Variants in ASH1L observed in about 807,000 individuals in gnomAD.
ASH1L encodes the protein ASH1 like histone lysine methyltransferase.
In ASH1L, 23 loss-of-function variants were observed where a neutral mutation model predicts 269.0. The observed-to-expected ratio is 0.09, with a 90% CI of 0.06 to 0.12. The LOEUF (loss-of-function observed/expected upper bound fraction) is 0.12. Ranked by LOEUF, ASH1L falls within the 10% of genes least tolerant of loss-of-function variation. The pLI, the probability that ASH1L is intolerant of heterozygous loss-of-function variation, is 1.00. For synonymous variants in ASH1L, 1,187 were observed against 1,253.5 expected (o/e 0.95, Z 1.12); for missense variants, 2,912 against 3,567.8 (o/e 0.82, Z 4.68).
At chr1:155,561,943 A>G (rs1324181809) in intron 1 of ASH1L, 9 of 485,102 alleles carry the variant, frequency 1.9e-5, no homozygotes, top group Non-Finnish European at 3.3e-5. Flanking sequence ...CCCCTCCGGG[A>G]GTCTGCCTGT....
chr1:155,530,014 A>G (rs1178222038), intron 1 of ASH1L, among the ~76,000 whole-genome samples: 2 of 152,096 alleles, frequency 1.3e-5, no homozygotes, highest in African/African-American at 4.8e-5. Flanking sequence ...TCTGTTTCTC[A>G]AACACAACAA....
intron 6 of ASH1L, among the ~76,000 whole-genome samples, chr1:155,407,109 G>C (rs1659360018): frequency 6.6e-6 from 1 of 152,182 alleles, no homozygotes; most frequent in Non-Finnish European, 1.5e-5. Flanking sequence ...TGTGGTCCCA[G>C]CTACTCGGGA....
intron 7 of ASH1L, among the ~76,000 whole-genome samples, chr1:155,389,244 T>G (rs1657703303): frequency 6.9e-6 from 1 of 144,628 alleles, no homozygotes; most frequent in African/African-American, 2.6e-5. Context: ...GTGATCTGCC[T>G]GCCTCGGCCT....
In ASH1L at chr1:155,336,585, A is replaced by C. The variant is rs1652335040; in HGVS notation, c.*1075T>G. 6.5e-6 allele frequency: 1 copy of C among 152,694 alleles called. No homozygotes were observed. Among genetic ancestry groups the C allele is most frequent in the African/African-American group, 2.4e-5 (1 of 41,432 alleles). 9.5% of individuals were successfully genotyped at this position (152,694 alleles called of 1,614,324 possible). A position where few individuals can be genotyped will look rare whatever the true frequency, so the allele number is the denominator to read the frequency against. On this transcript the variant is annotated 3_prime_UTR_variant, in exon 28 of 28. Coordinates refer to ENST00000392403, the MANE Select transcript of ASH1L (RefSeq NM_018489.3). ...AGTAGGAAGGAAGGAGACACCCTGG[A>C]TATACCTCCTGATGTCATTCAGGAG...
intron 10 of ASH1L, among the ~76,000 whole-genome samples, chr1:155,371,226 C>A (rs1297861053): frequency 6.6e-6 from 1 of 152,182 alleles, no homozygotes; most frequent in East Asian, 1.9e-4. Context: ...CACTCAGCAT[C>A]CTGGGTAAAC....
At chr1:155,429,240 C>A (rs1661424167) in intron 5 of ASH1L, among the ~76,000 whole-genome samples, 1 of 152,114 alleles carries the variant, frequency 6.6e-6, no homozygotes, top group African/African-American at 2.4e-5. Context: ...AGGTGAGACA[C>A]AATAGTATAT....
chr1:155,484,806 G>A lies in ASH1L; in HGVS notation c.421-2357C>T, dbSNP rs558259062. Among the ~76,000 whole-genome samples, 178 of 150,836 alleles carry A rather than the reference G, an allele frequency of 1.2e-3. 1 individual carries two copies. The highest frequency in any genetic ancestry group is 4.1e-3 in the African/African-American group (169 of 41,072). ...CAGCCGGACGTGGTGGCGGGCGCCT[G>A]TAATCCCAGCTACTTGGGAGGCTAA... On this transcript the variant is annotated intron_variant, in intron 2 of 27. Transcript: ENST00000392403.
At chr1:155,508,796 T>C (rs1004439835) in intron 2 of ASH1L, among the ~76,000 whole-genome samples, 1 of 152,106 alleles carries the variant, frequency 6.6e-6, no homozygotes, top group Non-Finnish European at 1.5e-5. Flanking sequence ...TGCTGCCTCA[T>C]AGGAGTAAGA....
At chr1:155,486,081 G>C (rs937399145) in intron 2 of ASH1L, among the ~76,000 whole-genome samples, 1 of 152,032 alleles carries the variant, frequency 6.6e-6, no homozygotes, top group Non-Finnish European at 1.5e-5. Context: ...CTTCCCAATG[G>C]CTGTCAGACA....
chr1:155,428,298 G>C (rs567208328), intron 5 of ASH1L, among the ~76,000 whole-genome samples: 1 of 151,508 alleles, frequency 6.6e-6, no homozygotes, highest in Admixed American at 6.6e-5. Context: ...AAAATTAGCC[G>C]GGTGTGGTGG....
intron 2 of ASH1L, among the ~76,000 whole-genome samples, chr1:155,515,779 G>A (rs1668459870): frequency 7.1e-6 from 1 of 140,982 alleles, no homozygotes; most frequent in Non-Finnish European, 1.5e-5. Context: ...AGTGAGCCGA[G>A]ATCAAGCCAC....
At chr1:155,484,935 AAAAAAAAACAAAAACAAAAACAAAAAC>A (rs1350208281) in intron 2 of ASH1L, among the ~76,000 whole-genome samples, 2 of 138,702 alleles carry the variant, frequency 1.4e-5, no homozygotes, top group African/African-American at 5.8e-5. Flanking sequence ...TCTCAAAAAA[AAAAAAAAACAAAAACAAAAACAAAAAC>A]AAAAACCAAC....
chr1:155,408,645 A>G (rs1050631510), intron 6 of ASH1L, among the ~76,000 whole-genome samples: 3 of 152,208 alleles, frequency 2.0e-5, no homozygotes, highest in Admixed American at 6.6e-5. Context: ...TAAAGGAAAC[A>G]GGGGCCAGTT....
chr1:155,413,830 C>T (rs1054864595), intron 6 of ASH1L, among the ~76,000 whole-genome samples: 1 of 152,002 alleles, frequency 6.6e-6, no homozygotes, highest in Non-Finnish European at 1.5e-5. Flanking sequence ...CTACATACTT[C>T]ACAACTTCTC....
intron 1 of ASH1L, among the ~76,000 whole-genome samples, chr1:155,551,350 G>A (rs1042599056): frequency 1.3e-5 from 2 of 152,106 alleles, no homozygotes; most frequent in African/African-American, 4.8e-5. Context: ...AATTTCTTCA[G>A]GAATCTTGAG....
At chr1:155,368,503 G>A (rs919744778) in intron 12 of ASH1L, among the ~76,000 whole-genome samples, 22 of 151,708 alleles carry the variant, frequency 1.5e-4, no homozygotes, top group Non-Finnish European at 2.5e-4. Context: ...TGTTGCCCAG[G>A]CTGGGGTGTA....
chr1:155,392,545 G>C (rs1658017619), intron 7 of ASH1L, among the ~76,000 whole-genome samples: 1 of 152,130 alleles, frequency 6.6e-6, no homozygotes, highest in Non-Finnish European at 1.5e-5. Flanking sequence ...CTGGAGTATA[G>C]TAGCATGATC....
At chr1:155,532,883 A>G (rs112512204) in intron 1 of ASH1L, among the ~76,000 whole-genome samples, 1,769 of 147,380 alleles carry the variant, frequency 0.012, 45 homozygotes, top group African/African-American at 0.043. Context: ...ATATATATGT[A>G]TATATATATG....
At chr1:155,490,503 C>A (rs1398094615) in intron 2 of ASH1L, among the ~76,000 whole-genome samples, 1 of 151,480 alleles carries the variant, frequency 6.6e-6, no homozygotes, top group African/African-American at 2.4e-5. Context: ...ACCTGTAATC[C>A]CAGCTTCTGA....
Sources: gnomAD v4.1 joint callset for allele counts (sites outside exome capture counted in the v4.1 genomes callset) on GRCh38, gnomAD v4.1.1 for gene constraint, MANE v1.5 for transcripts, NCBI Gene and HGNC (gene_info 2026-07-23, HGNC 2026-07-21) for gene names.